TASP1: variants seen among roughly 807,000 people sequenced by gnomAD.
TASP1 encodes the protein taspase 1, also known as threonine aspartase 1.
TASP1 carries 16 observed loss-of-function variants against 56.6 expected under a neutral mutation model. The ratio of observed to expected loss-of-function variants is 0.28; its 90% CI spans 0.19 to 0.43. The LOEUF is 0.43. Ranked by LOEUF, TASP1 falls within the 20% of genes least tolerant of loss-of-function variation. TASP1 has a pLI of 1.00. For missense variants in TASP1, 393 were observed against 511.6 expected, an observed-to-expected ratio of 0.77 and a Z score of 2.24; for synonymous variants, 179 against 184.2, an observed-to-expected ratio of 0.97 and a Z score of 0.23.
At chr20:13,272,246 C>T in the TASP1 span, among the ~76,000 whole-genome samples, 1 of 152,216 alleles carries the variant, frequency 6.6e-6, no homozygotes, top group African/African-American at 2.4e-5. Flanking sequence ...CACAGACTAA[C>T]ACCCTCTGCA....
chr20:13,247,204 C>G, the TASP1 span, among the ~76,000 whole-genome samples: 2 of 151,830 alleles, frequency 1.3e-5, no homozygotes, highest in Non-Finnish European at 2.9e-5. Context: ...GCACTCCAGC[C>G]TGGGCAAAAA....
Position 13,558,276 on chromosome 20 carries a change from C to A in TASP1, c.675+732G>T, listed in dbSNP as rs560111324. Among the ~76,000 whole-genome samples the A allele has an allele frequency of 2.0e-4, 31 of 152,230 alleles. No individual in the cohort carries two copies. The South Asian group carries it at 4.6e-3, about 22-fold the overall frequency. ...CCATCATGAGCTGTATGCTAAGAAA[C>A]CCCTAAGCCACAGGCTGAGCAAGAA... is the stretch of plus-strand genomic sequence containing the variant. On this transcript the variant is annotated intron_variant, in intron 8 of 13. Coordinates refer to ENST00000337743, the MANE Select transcript of TASP1 (RefSeq NM_017714.3).
At chr20:13,276,297 T>C in the TASP1 span, among the ~76,000 whole-genome samples, 131 of 152,310 alleles carry the variant, frequency 8.6e-4, no homozygotes, top group African/African-American at 3.1e-3. Flanking sequence ...CTCAGTGGCG[T>C]TGGTTTATTA....
intron 10 of TASP1, among the ~76,000 whole-genome samples, chr20:13,490,906 G>T (rs757569056): frequency 1.3e-5 from 2 of 152,094 alleles, no homozygotes; most frequent in Non-Finnish European, 2.9e-5. Context: ...GCATGGAGTT[G>T]ACCATAGAGT....
the TASP1 span, among the ~76,000 whole-genome samples, chr20:13,211,896 G>A: frequency 3.3e-5 from 5 of 151,984 alleles, no homozygotes; most frequent in Admixed American, 2.6e-4. Context: ...CATAAGTAAC[G>A]CCCTTGATTT....
intron 13 of TASP1, chr20:13,393,533 T>G: frequency 2.5e-6 from 2 of 797,000 alleles, no homozygotes; most frequent in South Asian, 2.7e-5. Context: ...CCAACAGTGA[T>G]ACCCACTCTT....
chr20:13,282,375 G>A, the TASP1 span, among the ~76,000 whole-genome samples: 1 of 152,198 alleles, frequency 6.6e-6, no homozygotes, highest in Non-Finnish European at 1.5e-5. Flanking sequence ...AAGGTCACCA[G>A]ATGATTCTCT....
chr20:13,518,626 C>G (rs1013928849), intron 10 of TASP1, among the ~76,000 whole-genome samples: 14 of 152,080 alleles, frequency 9.2e-5, no homozygotes, highest in African/African-American at 3.4e-4. Flanking sequence ...TGGCTTACCC[C>G]ACCACAATGT....
At chr20:13,498,570 G>A (rs1391965037) in intron 10 of TASP1, among the ~76,000 whole-genome samples, 4 of 152,014 alleles carry the variant, frequency 2.6e-5, no homozygotes, top group African/African-American at 9.7e-5. Context: ...TGTTGGCCAA[G>A]CTGGTCTTGA....
At chr20:13,193,852 T>C in the TASP1 span, among the ~76,000 whole-genome samples, 3 of 152,332 alleles carry the variant, frequency 2.0e-5, no homozygotes, top group East Asian at 5.8e-4. Flanking sequence ...ATAGTATCTG[T>C]CCCACCTTAA....
the TASP1 span, among the ~76,000 whole-genome samples, chr20:13,112,759 C>A: frequency 5.9e-5 from 9 of 152,296 alleles, no homozygotes; most frequent in East Asian, 1.7e-3. Flanking sequence ...CTTTGACAAG[C>A]CTCAATCGCT....
the TASP1 span, among the ~76,000 whole-genome samples, chr20:13,379,586 G>A: frequency 1.3e-5 from 2 of 151,764 alleles, no homozygotes; most frequent in Non-Finnish European, 2.9e-5. Flanking sequence ...TATCTTTGTG[G>A]TGTTCTCTAT....
chr20:13,357,620 C>T, the TASP1 span, among the ~76,000 whole-genome samples: 31 of 152,032 alleles, frequency 2.0e-4, no homozygotes, highest in East Asian at 1.9e-3. Context: ...CGTAAAATAC[C>T]ATATAGCCCA....
the TASP1 span, among the ~76,000 whole-genome samples, chr20:13,221,212 C>CCCTCCTCCTCCTCCTCCTCCT: frequency 1.6e-3 from 127 of 78,908 alleles, 11 homozygotes; most frequent in African/African-American, 3.8e-3. Flanking sequence ...GCAGCTGAAG[C>CCCTCCTCCTCCTCCTCCTCCT]CCTCCTACTC....
chr20:13,317,589 T>A, the TASP1 span, among the ~76,000 whole-genome samples: 3 of 152,104 alleles, frequency 2.0e-5, no homozygotes, highest in South Asian at 2.1e-4. Context: ...GACAAAAGAA[T>A]AGGCAAATAG....
chr20:13,160,704 T>C, the TASP1 span, among the ~76,000 whole-genome samples: 1 of 152,232 alleles, frequency 6.6e-6, no homozygotes, highest in Non-Finnish European at 1.5e-5. Flanking sequence ...ATAACATAAA[T>C]GCAGTTTTGC....
At position 13,619,627 on chromosome 20, in the gene TASP1, C is replaced by T. The variant is rs2048642428; in HGVS notation, c.282+3819G>A. 4.6e-5 allele frequency among the ~76,000 whole-genome samples: 7 copies of T among 152,134 alleles called. No individual in the cohort carries two copies. The South Asian group carries it at 1.4e-3, about 31-fold the overall frequency. On this transcript the variant is annotated intron_variant, in intron 4 of 13. Coordinates refer to ENST00000337743, the MANE Select transcript of TASP1 (RefSeq NM_017714.3). ...ATGTGAAATATGCAAAATTATGGTC[C>T]AGAATCTTAAATCCACGTCACTACT...
At chr20:13,284,172 G>A in the TASP1 span, among the ~76,000 whole-genome samples, 2 of 152,218 alleles carry the variant, frequency 1.3e-5, no homozygotes, top group African/African-American at 2.4e-5. Flanking sequence ...CAAGCCCTCA[G>A]TAATCGGTAG....
chr20:13,570,848 T>A (rs1324645330), intron 6 of TASP1, among the ~76,000 whole-genome samples: 1 of 152,150 alleles, frequency 6.6e-6, no homozygotes, highest in African/African-American at 2.4e-5. Flanking sequence ...AAATTTGAAC[T>A]GTCCTGATGG....
Sources: allele counts gnomAD v4.1 joint callset (sites outside exome capture counted in the v4.1 genomes callset), GRCh38; gene constraint gnomAD v4.1.1; transcripts MANE v1.5; gene names NCBI Gene and HGNC (gene_info 2026-07-23, HGNC 2026-07-21).